ASTN2: variants seen among roughly 807,000 people sequenced by gnomAD.
ASTN2 encodes the protein astrotactin-2.
ASTN2 carries 54 observed loss-of-function variants against 139.8 expected under a neutral mutation model. That is an observed-to-expected ratio of 0.39 (90% CI 0.31 to 0.48). The LOEUF (loss-of-function observed/expected upper bound fraction) is 0.48, where lower values mean the gene tolerates loss of function less well. Among genes scored for constraint, ASTN2 ranks in the 20% least tolerant of loss-of-function variants. The pLI, the probability that ASTN2 is intolerant of heterozygous loss-of-function variation, is 0.95. For synonymous variants in ASTN2, 756 were observed against 719.5 expected, an observed-to-expected ratio of 1.05 and a Z score of -0.81; for missense variants, 1,565 against 1,725.1, an observed-to-expected ratio of 0.91 and a Z score of 1.64.
At chr9:117,231,815 TC>T (rs775295806) in intron 2 of ASTN2, among the ~76,000 whole-genome samples, 97 of 152,274 alleles carry the variant, frequency 6.4e-4, no homozygotes, top group Non-Finnish European at 1.1e-3. Flanking sequence ...GGTGTTCAAA[TC>T]CCATTTCTCA....
rs375428192 is a variant in ASTN2 at position 116,661,727 on chromosome 9, T to C, written c.2807-9934A>G. Reference sequence around the variant, plus strand: ...GATGTGAAATTCAGTTGGTCAAAACTAGGCATGCAACCAGGCCCTCTTTGT... The same window carrying C: ...GATGTGAAATTCAGTTGGTCAAAACCAGGCATGCAACCAGGCCCTCTTTGT... On this transcript the variant is annotated intron_variant, in intron 16 of 22. Coordinates refer to ENST00000313400, the MANE Select transcript of ASTN2 (RefSeq NM_001365068.1). 7.9e-5 allele frequency among the ~76,000 whole-genome samples: 12 copies of C among 152,166 alleles called. No homozygotes were observed. The East Asian group carries it at 1.4e-3, about 17-fold the overall frequency.
chr9:116,527,676 C>T (rs1001030732), intron 19 of ASTN2, among the ~76,000 whole-genome samples: 12 of 152,134 alleles, frequency 7.9e-5, no homozygotes, highest in African/African-American at 2.9e-4. Context: ...CTCTGTGTCC[C>T]CACACAAATC....
At chr9:116,537,747 G>A (rs1300976243) in intron 19 of ASTN2, among the ~76,000 whole-genome samples, 1 of 152,210 alleles carries the variant, frequency 6.6e-6, no homozygotes, top group Non-Finnish European at 1.5e-5. Context: ...CAGATGCCCT[G>A]TGGGAACAGG....
chr9:117,078,128 A>T (rs10983511), intron 5 of ASTN2, among the ~76,000 whole-genome samples: 43,793 of 152,056 alleles, frequency 0.29, 6,517 homozygotes, highest in East Asian at 0.4. Context: ...ATTGTTTCTC[A>T]CCACACCCAA....
intron 7 of ASTN2, among the ~76,000 whole-genome samples, chr9:117,004,501 C>G (rs1837300421): frequency 6.6e-6 from 1 of 152,076 alleles, no homozygotes; most frequent in Non-Finnish European, 1.5e-5. Context: ...GGTTATAAAG[C>G]CAAATCATGG....
intron 16 of ASTN2, among the ~76,000 whole-genome samples, chr9:116,679,135 A>T (rs1859681840): frequency 6.6e-6 from 1 of 152,134 alleles, no homozygotes; most frequent in South Asian, 2.1e-4. Flanking sequence ...AAAATTTTTG[A>T]AGTTATCATT....
chr9:116,583,111 C>T (rs575115520), intron 19 of ASTN2: 1 of 152,262 alleles, frequency 6.6e-6, no homozygotes, highest in African/African-American at 2.4e-5. Flanking sequence ...ATTCAGGATC[C>T]TTCCTTCCAG....
At chr9:116,847,361 G>T (rs187936664) in intron 11 of ASTN2, among the ~76,000 whole-genome samples, 2 of 152,116 alleles carry the variant, frequency 1.3e-5, no homozygotes, top group Non-Finnish European at 2.9e-5. Context: ...TGATCTACCC[G>T]CCTTTGCCTC....
At chr9:117,297,716 T>C (rs751837667) in intron 1 of ASTN2, among the ~76,000 whole-genome samples, 1 of 152,154 alleles carries the variant, frequency 6.6e-6, no homozygotes, top group Non-Finnish European at 1.5e-5. Flanking sequence ...ACCCTAAAAA[T>C]GCCATAGCTG....
At chr9:116,440,089 T>C (rs1157869402) in intron 22 of ASTN2, among the ~76,000 whole-genome samples, 1 of 152,214 alleles carries the variant, frequency 6.6e-6, no homozygotes, top group Non-Finnish European at 1.5e-5. Flanking sequence ...TCATTCATGG[T>C]TCCTGGCATA....
intron 19 of ASTN2, among the ~76,000 whole-genome samples, chr9:116,540,085 C>A (rs185036558): frequency 6.6e-6 from 1 of 152,192 alleles, no homozygotes; most frequent in East Asian, 1.9e-4. Flanking sequence ...CTACATGAGA[C>A]TGCTTTTCCA....
At chr9:116,452,384 A>G (rs1848201226) in intron 20 of ASTN2, among the ~76,000 whole-genome samples, 1 of 152,222 alleles carries the variant, frequency 6.6e-6, no homozygotes, top group African/African-American at 2.4e-5. Flanking sequence ...CCTTGTCATT[A>G]ACTAGCTATG....
At chr9:117,170,737 C>G (rs1223596359) in intron 3 of ASTN2, among the ~76,000 whole-genome samples, 1 of 152,020 alleles carries the variant, frequency 6.6e-6, no homozygotes, top group Admixed American at 6.6e-5. Context: ...GATGAAACAC[C>G]TTGAGGCAGA....
intron 19 of ASTN2, chr9:116,610,992 C>T (rs1442314620): frequency 1.3e-5 from 2 of 152,050 alleles, no homozygotes; most frequent in Non-Finnish European, 2.9e-5. Flanking sequence ...TAAGTGGATA[C>T]ACATTATTTT....
At chr9:117,361,907 T>C (rs1196231476) in intron 1 of ASTN2, among the ~76,000 whole-genome samples, 2 of 152,168 alleles carry the variant, frequency 1.3e-5, no homozygotes, top group South Asian at 2.1e-4. Context: ...ACACAGTGAA[T>C]GATGGCTAAG....
chr9:116,736,265 T>TA (rs1439899075), intron 13 of ASTN2, among the ~76,000 whole-genome samples: 1 of 152,224 alleles, frequency 6.6e-6, no homozygotes, highest in Non-Finnish European at 1.5e-5. Context: ...TATTATGTAC[T>TA]AAAAAATGAC....
At chr9:116,667,366 ACTAT>A (rs1200274082) in intron 16 of ASTN2, among the ~76,000 whole-genome samples, 2 of 152,218 alleles carry the variant, frequency 1.3e-5, no homozygotes, top group Non-Finnish European at 2.9e-5. Flanking sequence ...GTTAAAAAAA[ACTAT>A]CTGTTTGCAA....
chr9:116,663,442 G>T (rs534734620), intron 16 of ASTN2, among the ~76,000 whole-genome samples: 1 of 152,108 alleles, frequency 6.6e-6, no homozygotes, highest in African/African-American at 2.4e-5. Context: ...TTTTCCTGGG[G>T]GTTCACAGTC....
intron 16 of ASTN2, among the ~76,000 whole-genome samples, chr9:116,656,291 T>C (rs1350055917): frequency 6.6e-6 from 1 of 152,152 alleles, no homozygotes; most frequent in African/African-American, 2.4e-5. Flanking sequence ...ACAAGGACGA[T>C]AACTAATAAA....
Sources: allele counts gnomAD v4.1 joint callset (sites outside exome capture counted in the v4.1 genomes callset), GRCh38; gene constraint gnomAD v4.1.1; transcripts MANE v1.5; gene names NCBI Gene and HGNC (gene_info 2026-07-23, HGNC 2026-07-21).